The following CNKSR3 variants were observed in gnomAD, a reference collection of about 807,000 sequenced individuals.
CNKSR3 encodes CNKSR family member 3.
CNKSR3 carries 36 observed loss-of-function variants against 67.7 expected under a neutral mutation model. That is an observed-to-expected ratio of 0.53 (90% CI 0.41 to 0.70). The LOEUF (loss-of-function observed/expected upper bound fraction) is 0.70, where lower values mean the gene tolerates loss of function less well. Among genes scored for constraint, CNKSR3 ranks in the 30% least tolerant of loss-of-function variants. The pLI, the probability that CNKSR3 is intolerant of heterozygous loss-of-function variation, is 0.00. For synonymous variants in CNKSR3, 281 were observed against 271.4 expected (o/e 1.04, Z -0.35); for missense variants, 630 against 695.2 (o/e 0.91, Z 1.05).
rs905974763 is a variant in CNKSR3, at chr6:154,457,659, T to C, written c.53-7401A>G. 1.3e-5 allele frequency among the ~76,000 whole-genome samples: 2 copies of C among 152,186 alleles called. 1 individual carries two copies. The highest frequency in any genetic ancestry group is 1.3e-4 in the Admixed American group (2 of 15,274). On this transcript the variant is annotated intron_variant, in intron 1 of 12. Transcript: ENST00000607772. ...CTCTGCAGAGTATCCCTTCACCATG[T>C]CCCCTTCTGCTCGTGGTCACTGTCA...
intron 9 of CNKSR3, among the ~76,000 whole-genome samples, chr6:154,422,088 G>C (rs540944311): frequency 6.6e-6 from 1 of 151,372 alleles, no homozygotes; most frequent in Non-Finnish European, 1.5e-5. Flanking sequence ...CGCCTCCCGG[G>C]TTCACACCAT....
chr6:154,488,689 A>C (rs1168754366), intron 1 of CNKSR3, among the ~76,000 whole-genome samples: 1 of 152,226 alleles, frequency 6.6e-6, no homozygotes, highest in Non-Finnish European at 1.5e-5. Flanking sequence ...TCAAATTGCT[A>C]AAATATACAG....
At chr6:154,413,971 A>G (rs1475049299) in intron 10 of CNKSR3, among the ~76,000 whole-genome samples, 4 of 150,932 alleles carry the variant, frequency 2.7e-5, no homozygotes, top group African/African-American at 9.8e-5. Flanking sequence ...CTGGTCTTGA[A>G]CTCCTGAGCT....
chr6:154,411,165 ATTAAG>A (rs1562319058), intron 10 of CNKSR3, 23 bp from the exon 11 acceptor site: 2 of 1,540,898 alleles, frequency 1.3e-6, no homozygotes, highest in Admixed American at 1.7e-5. Flanking sequence ...ATGGACAATA[ATTAAG>A]TTGTTTACAA....
intron 2 of CNKSR3, among the ~76,000 whole-genome samples, 164 bp from the exon 3 acceptor site, chr6:154,442,454 C>T (rs1186140788): frequency 6.6e-6 from 1 of 152,144 alleles, no homozygotes; most frequent in African/African-American, 2.4e-5. Context: ...AACCCCGTCT[C>T]TACTAAAAAC....
At position 154,422,356 on chromosome 6, in the gene CNKSR3, T is replaced by C. The variant is rs150783076; in HGVS notation, c.945+150A>G. 317 of 734,836 alleles carry C rather than the reference T, an allele frequency of 4.3e-4. No individual in the cohort carries two copies. The African/African-American group carries it at 5.1e-3, about 12-fold the overall frequency. 45.5% of individuals were successfully genotyped at this position (734,836 alleles called of 1,614,324 possible). On this transcript the variant is annotated intron_variant, in intron 9 of 12. Transcript: ENST00000607772. ...TATACTGTTCCATGTAGATCTAGAATTCATATTTTCACATAGGCAGGAGTA... is the reference window on the plus strand; with the variant it reads ...TATACTGTTCCATGTAGATCTAGAACTCATATTTTCACATAGGCAGGAGTA...
At chr6:154,410,558 T>C in intron 11 of CNKSR3, 126 bp from the exon 12 acceptor site, 1 of 639,798 alleles carries the variant, frequency 1.6e-6, no homozygotes, top group Non-Finnish European at 2.8e-6. Context: ...ATAACAAATT[T>C]TAAAATAAAA....
chr6:154,428,299 AT>A, intron 6 of CNKSR3, 112 bp from the exon 7 acceptor site: 1 of 700,520 alleles, frequency 1.4e-6, no homozygotes, highest in Non-Finnish European at 2.5e-6. Flanking sequence ...AACAATACTC[AT>A]TTTTCAGCCT....
rs145758155 is a variant in CNKSR3, at chr6:154,432,783, G to A, written c.549+683C>T. 5.3e-5 allele frequency among the ~76,000 whole-genome samples: 8 copies of A among 152,316 alleles called. 1 individual carries two copies. The highest frequency in any genetic ancestry group is 2.1e-4 in the South Asian group (1 of 4,832). ...TCCTTATAGAAGTCACAGTGGCTAC[G>A]TGTGGTATTTCCCCAATCAGACTCA... On this transcript the variant is annotated intron_variant, in intron 5 of 12. Coordinates refer to ENST00000607772, the MANE Select transcript of CNKSR3 (RefSeq NM_173515.4).
intron 3 of CNKSR3, 148 bp from the exon 4 acceptor site, chr6:154,441,527 A>G (rs937636061): frequency 1.6e-6 from 1 of 617,152 alleles, no homozygotes; most frequent in African/African-American, 1.9e-5. Context: ...TCTGTCGCCC[A>G]GGCTGGAGTG....
rs755709707 is a variant in CNKSR3, at chr6:154,505,742, C to G, written c.52+4321G>C. On this transcript the variant is annotated intron_variant, in intron 1 of 12. Coordinates refer to ENST00000607772, the MANE Select transcript of CNKSR3 (RefSeq NM_173515.4). ...GTCTCGATCTCCTGACCTTGTGATC[C>G]GCCCACCTCGGCCTCCCAAAGTGCT... Among the ~76,000 whole-genome samples, 154 of 148,668 alleles carry G rather than the reference C, an allele frequency of 1.0e-3. 1 individual carries two copies. The highest frequency in any genetic ancestry group is 3.5e-3 in the African/African-American group (146 of 41,408).
Position 154,422,517 on chromosome 6 carries a change from G to A in CNKSR3, c.934C>T (p.Pro312Ser), listed in dbSNP as rs757961840. 3.1e-6 allele frequency: 5 copies of A among 1,613,986 alleles called. No homozygotes were observed. The highest frequency in any genetic ancestry group is 4.2e-6 in the Non-Finnish European group (5 of 1,179,986). ...APLKNLRWKP[P>S]LVQTSPPPAT... ...TTAATCCCAGATACCTGTACAAGAGGTGGCTTCCACCGTAGGTTTTTCAGG... is the reference window on the plus strand; with the variant it reads ...TTAATCCCAGATACCTGTACAAGAGATGGCTTCCACCGTAGGTTTTTCAGG... The change falls in exon 9 of 13, where the codon CCT (proline) becomes TCT (serine). Residue 312 changes from proline to serine, a missense_variant. Pro to Ser is a moderately conservative substitution (Grantham distance 74, BLOSUM62 -1). Transcript: ENST00000607772.
chr6:154,419,815 C>T (rs1237376209), intron 9 of CNKSR3, among the ~76,000 whole-genome samples: 2 of 152,160 alleles, frequency 1.3e-5, no homozygotes, highest in Non-Finnish European at 2.9e-5. Context: ...CATGGTGGCT[C>T]ACGCCTGTAA....
In CNKSR3 at chr6:154,411,125, A is replaced by G. The variant is rs1209778224; in HGVS notation, c.1088T>C (p.Phe363Ser). ...GCACTTACTGGACCCTCCATAAACA[A>G]AACTGCCATTCTCATCCCTGGAAGA... ...PYSPRDENGSFVYGGSSKCKQ... is the reference protein window; with the variant it reads ...PYSPRDENGSSVYGGSSKCKQ... Residue 363 changes from phenylalanine (F) to serine (S), a missense_variant, in exon 11 of 13, where the codon TTT (phenylalanine) becomes TCT (serine). Phe to Ser is a radical substitution (Grantham distance 155). Transcript: ENST00000607772. The G allele has an allele frequency of 1.7e-5, 27 of 1,611,428 alleles. No homozygotes were observed. Among genetic ancestry groups the G allele is most frequent in the Non-Finnish European group, 2.3e-5 (27 of 1,177,810 alleles).
At chr6:154,497,475 C>A (rs776356854) in intron 1 of CNKSR3, among the ~76,000 whole-genome samples, 9 of 152,118 alleles carry the variant, frequency 5.9e-5, no homozygotes, top group Non-Finnish European at 1.2e-4. Flanking sequence ...TGCCAGCTTC[C>A]GGACACGGAT....
chr6:154,420,139 G>T (rs1785108731), intron 9 of CNKSR3, among the ~76,000 whole-genome samples: 3 of 151,958 alleles, frequency 2.0e-5, no homozygotes, highest in South Asian at 4.2e-4. Context: ...GTGACAAGAG[G>T]GATGAACCTG....
intron 1 of CNKSR3, among the ~76,000 whole-genome samples, chr6:154,499,413 A>C (rs1241682387): frequency 6.6e-6 from 1 of 152,138 alleles, no homozygotes; most frequent in Non-Finnish European, 1.5e-5. Flanking sequence ...TCCCACCCCC[A>C]GAGTTTCTGA....
intron 6 of CNKSR3, among the ~76,000 whole-genome samples, chr6:154,428,472 G>C (rs1301545936): frequency 6.6e-6 from 1 of 152,184 alleles, no homozygotes; most frequent in African/African-American, 2.4e-5. Flanking sequence ...AGTGTTCTTA[G>C]ACCTACAGGA....
In CNKSR3 at chr6:154,405,992, G is replaced by T. The variant is rs145415328; in HGVS notation, c.*362C>A. On this transcript the variant is annotated 3_prime_UTR_variant, in exon 13 of 13. Coordinates refer to ENST00000607772, the MANE Select transcript of CNKSR3 (RefSeq NM_173515.4). The stretch of plus-strand genomic sequence containing the variant: ...TCTGTGTGAAAACAGCCACCAATTT[G>T]AGTCCCCCCAGCCCCTCAAAAAGGA... 1.4e-3 allele frequency: 252 copies of T among 186,358 alleles called. No homozygotes were observed. The highest frequency in any genetic ancestry group is 8.2e-3 in the East Asian group (58 of 7,116). 11.5% of individuals were successfully genotyped at this position (186,358 alleles called of 1,614,324 possible).
Sources: allele counts gnomAD v4.1 joint callset (sites outside exome capture counted in the v4.1 genomes callset), GRCh38; gene constraint gnomAD v4.1.1; transcripts MANE v1.5; gene names NCBI Gene and HGNC (gene_info 2026-07-23, HGNC 2026-07-21).